Variants in CADM2 observed in about 807,000 individuals in gnomAD.
CADM2 encodes the protein cell adhesion molecule 2.
A neutral mutation model predicts 49.8 loss-of-function variants in CADM2; 12 were observed. The ratio of observed to expected loss-of-function variants is 0.24; its 90% CI spans 0.15 to 0.39. CADM2 has a LOEUF of 0.39. Ranked by LOEUF, CADM2 falls within the 10% of genes least tolerant of loss-of-function variation. The pLI, the probability that CADM2 is intolerant of heterozygous loss-of-function variation, is 1.00. For synonymous variants in CADM2, 214 were observed against 175.4 expected, an observed-to-expected ratio of 1.22 and a Z score of -1.74; for missense variants, 378 against 492.3, an observed-to-expected ratio of 0.77 and a Z score of 2.20.
At chr3:85,206,789 CTTT>C (rs1242510265) in intron 1 of CADM2, among the ~76,000 whole-genome samples, 1 of 151,606 alleles carries the variant, frequency 6.6e-6, no homozygotes, top group Non-Finnish European at 1.5e-5. Flanking sequence ...ACATTTATAT[CTTT>C]TTATGATTTA....
chr3:85,192,904 T>C (rs527862751), intron 1 of CADM2, among the ~76,000 whole-genome samples: 1 of 152,198 alleles, frequency 6.6e-6, no homozygotes, highest in East Asian at 1.9e-4. Flanking sequence ...ACAGATTCTT[T>C]TAAGATTAAA....
intron 3 of CADM2, among the ~76,000 whole-genome samples, chr3:85,855,862 G>A (rs148055943): frequency 0.051 from 7,718 of 151,770 alleles, 547 homozygotes; most frequent in African/African-American, 0.16. Context: ...TCCTGACCTC[G>A]TGATCAGCCT....
chr3:85,479,945 G>A (rs920518389), intron 1 of CADM2, among the ~76,000 whole-genome samples: 2 of 151,906 alleles, frequency 1.3e-5, no homozygotes, highest in Admixed American at 6.6e-5. Context: ...GGTTTACCAC[G>A]TAACTTTCTG....
At chr3:85,440,692 G>GTTTAAAAGGA (rs2037159277) in intron 1 of CADM2, among the ~76,000 whole-genome samples, 1 of 151,420 alleles carries the variant, frequency 6.6e-6, no homozygotes, top group Non-Finnish European at 1.5e-5. Flanking sequence ...GTATAACATT[G>GTTTAAAAGGA]TTTAAAAATG....
intron 1 of CADM2, among the ~76,000 whole-genome samples, chr3:85,616,324 A>T (rs1016104495): frequency 2.6e-5 from 4 of 152,128 alleles, no homozygotes; most frequent in African/African-American, 9.7e-5. Context: ...TAAGTATAGC[A>T]TAAAATAGAA....
chr3:85,655,225 G>A (rs2107593786), intron 1 of CADM2, among the ~76,000 whole-genome samples: 1 of 151,364 alleles, frequency 6.6e-6, no homozygotes, highest in Admixed American at 6.6e-5. Flanking sequence ...TGTGATCTCA[G>A]CTTACTGGAA....
chr3:85,971,407 G>A (rs921641455), intron 8 of CADM2, among the ~76,000 whole-genome samples: 3 of 151,638 alleles, frequency 2.0e-5, no homozygotes, highest in African/African-American at 7.3e-5. Context: ...GATGCATAGA[G>A]GTTAAATTAC....
At chr3:85,332,027 A>G (rs973623394) in intron 1 of CADM2, among the ~76,000 whole-genome samples, 1 of 152,136 alleles carries the variant, frequency 6.6e-6, no homozygotes, top group African/African-American at 2.4e-5. Context: ...TACCTACTAT[A>G]TGACCCTACC....
At chr3:85,226,594 A>G (rs1228936709) in intron 1 of CADM2, among the ~76,000 whole-genome samples, 3 of 151,146 alleles carry the variant, frequency 2.0e-5, no homozygotes, top group East Asian at 1.9e-4. Context: ...GATATTTTGA[A>G]GAGTTTTTTT....
intron 1 of CADM2, among the ~76,000 whole-genome samples, chr3:85,223,314 G>A (rs1455141893): frequency 1.3e-5 from 2 of 152,018 alleles, no homozygotes; most frequent in South Asian, 2.1e-4. Context: ...AGGATTTAAG[G>A]TCTGTTCTAA....
At chr3:85,175,351 G>A (rs1292794590) in intron 1 of CADM2, among the ~76,000 whole-genome samples, 1 of 152,160 alleles carries the variant, frequency 6.6e-6, no homozygotes, top group African/African-American at 2.4e-5. Context: ...AAAGGTGGAA[G>A]CAACCTAAGT....
intron 1 of CADM2, among the ~76,000 whole-genome samples, chr3:85,583,795 T>C (rs1407484766): frequency 6.6e-6 from 1 of 152,026 alleles, no homozygotes; most frequent in Non-Finnish European, 1.5e-5. Context: ...GCAAGAAATA[T>C]TAGCATGAAA....
chr3:86,073,390 T>C lies in CADM2; in HGVS notation c.*6607T>C, dbSNP rs1025483556. On this transcript the variant is annotated 3_prime_UTR_variant, in exon 10 of 10. Coordinates refer to ENST00000383699, the MANE Select transcript of CADM2 (RefSeq NM_001167675.2). ...CACAGAAAATAGAGAAACACAGTTATTGAATCTACTCTTGTCATTAACATT... is the reference window on the plus strand; with the variant it reads ...CACAGAAAATAGAGAAACACAGTTACTGAATCTACTCTTGTCATTAACATT... The C allele has an allele frequency of 4.6e-5, 7 of 152,090 alleles. No individual in the cohort carries two copies. Among genetic ancestry groups the C allele is most frequent in the African/African-American group, 1.7e-4 (7 of 41,446 alleles). 9.4% of individuals were successfully genotyped at this position (152,090 alleles called of 1,614,324 possible).
intron 1 of CADM2, among the ~76,000 whole-genome samples, chr3:85,455,175 C>T (rs2107576961): frequency 6.6e-6 from 1 of 152,136 alleles, no homozygotes; most frequent in African/African-American, 2.4e-5. Flanking sequence ...ATTAGTTTAG[C>T]TCAAAAAAGA....
At chr3:85,344,998 A>T (rs1336818724) in intron 1 of CADM2, among the ~76,000 whole-genome samples, 1 of 152,124 alleles carries the variant, frequency 6.6e-6, no homozygotes, top group African/African-American at 2.4e-5. Flanking sequence ...ATGGTAGCTC[A>T]TATATATCAA....
chr3:85,897,430 C>T lies in CADM2; in HGVS notation c.529+11103C>T, dbSNP rs376745410. ...GACTACAGGCGCCCGCCACCGCGCC[C>T]GGCTAATTTTTTGTATTTTTAGTAG... On this transcript the variant is annotated intron_variant, in intron 5 of 9. Transcript: ENST00000383699. 5.1e-4 allele frequency among the ~76,000 whole-genome samples: 76 copies of T among 148,858 alleles called. 1 individual carries two copies. In the East Asian group the frequency reaches 9.1e-3, roughly 18 times the overall value.
At chr3:85,802,337 A>C in intron 3 of CADM2, 141 bp downstream of exon 3, 1 of 718,506 alleles carries the variant, frequency 1.4e-6, no homozygotes, top group Non-Finnish European at 2.1e-6. Flanking sequence ...TTAAATATTA[A>C]ATACTTTAGT....
intron 1 of CADM2, among the ~76,000 whole-genome samples, chr3:85,058,447 T>G (rs1457935026): frequency 6.6e-6 from 1 of 152,074 alleles, no homozygotes; most frequent in Non-Finnish European, 1.5e-5. Flanking sequence ...CTTTTTTTTC[T>G]TTTTTTATTT....
intron 1 of CADM2, among the ~76,000 whole-genome samples, chr3:85,433,908 G>A (rs2036805602): frequency 6.6e-6 from 1 of 151,962 alleles, no homozygotes; most frequent in Non-Finnish European, 1.5e-5. Flanking sequence ...TTGTTCTCCC[G>A]CTGGTGTCAA....
Sources: allele counts gnomAD v4.1 joint callset (sites outside exome capture counted in the v4.1 genomes callset), GRCh38; gene constraint gnomAD v4.1.1; transcripts MANE v1.5; gene names NCBI Gene and HGNC (gene_info 2026-07-23, HGNC 2026-07-21).